The following KAZN variants were observed in gnomAD, a reference collection of about 807,000 sequenced individuals.
KAZN encodes the protein kazrin, periplakin interacting protein.
Under a neutral mutation model 87.4 loss-of-function variants are expected in KAZN, and 40 were observed. That is an observed-to-expected ratio of 0.46 (90% CI 0.36 to 0.60). The LOEUF (loss-of-function observed/expected upper bound fraction) is 0.60, where lower values mean the gene tolerates loss of function less well. KAZN is among the 20% of genes least tolerant of loss of function. KAZN has a pLI of 0.00. For missense variants in KAZN, 898 were observed against 1,073.9 expected (o/e 0.84, Z 2.29); for synonymous variants, 466 against 458.3 (o/e 1.02, Z -0.22).
intron 1 of KAZN, among the ~76,000 whole-genome samples, chr1:14,714,235 G>T (rs752799868): frequency 3.8e-4 from 58 of 152,210 alleles, no homozygotes; most frequent in Non-Finnish European, 6.6e-4. Flanking sequence ...ACTCCCCTCT[G>T]CCTGGATCCT....
At chr1:14,966,279 C>A (rs1369164745) in intron 2 of KAZN, among the ~76,000 whole-genome samples, 2 of 152,116 alleles carry the variant, frequency 1.3e-5, no homozygotes, top group African/African-American at 4.8e-5. Flanking sequence ...CTTGCCCCAC[C>A]AATATAGTTA....
At chr1:14,862,641 C>T (rs149764975) in intron 1 of KAZN, among the ~76,000 whole-genome samples, 12 of 152,268 alleles carry the variant, frequency 7.9e-5, no homozygotes, top group Non-Finnish European at 1.6e-4. Flanking sequence ...ACCTAGGATG[C>T]GAGCAGCCAT....
At chr1:14,037,936 A>G (rs1458101808) in intron 1 of KAZN, among the ~76,000 whole-genome samples, 1 of 152,168 alleles carries the variant, frequency 6.6e-6, no homozygotes, top group African/African-American at 2.4e-5. Flanking sequence ...TAGAACCCTG[A>G]AAGCTTTGGG....
chr1:14,564,365 T>C (rs1309900922), intron 2 of KAZN, among the ~76,000 whole-genome samples: 1 of 152,046 alleles, frequency 6.6e-6, no homozygotes, highest in Non-Finnish European at 1.5e-5. Context: ...ATCTTCTAGG[T>C]TTAAATCTCA....
At chr1:14,711,139 G>C (rs1330445527) in intron 1 of KAZN, among the ~76,000 whole-genome samples, 1 of 152,214 alleles carries the variant, frequency 6.6e-6, no homozygotes, top group Non-Finnish European at 1.5e-5. Flanking sequence ...GCTGCAGTGA[G>C]CCATGATGGC....
chr1:14,707,174 A>G (rs1642255159), intron 1 of KAZN, among the ~76,000 whole-genome samples: 1 of 152,210 alleles, frequency 6.6e-6, no homozygotes. Flanking sequence ...GAGGGTGCAA[A>G]CTATGACGGT....
At chr1:14,007,762 A>C (rs572898419) in intron 1 of KAZN, among the ~76,000 whole-genome samples, 21 of 152,340 alleles carry the variant, frequency 1.4e-4, no homozygotes, top group African/African-American at 4.8e-4. Context: ...GTCATGGACA[A>C]ATAAAACACG....
At chr1:14,617,699 A>G (rs1280136702) in intron 1 of KAZN, among the ~76,000 whole-genome samples, 1 of 152,224 alleles carries the variant, frequency 6.6e-6, no homozygotes, top group Non-Finnish European at 1.5e-5. Flanking sequence ...CAAGCTGTCC[A>G]GAGTGTCCCA....
intron 1 of KAZN, among the ~76,000 whole-genome samples, chr1:14,869,940 C>T (rs1345575622): frequency 6.6e-6 from 1 of 152,282 alleles, no homozygotes; most frequent in East Asian, 1.9e-4. Flanking sequence ...CACCCAACAC[C>T]CACCCCGGCA....
rs1180045793 is a variant in KAZN at position 14,134,773 on chromosome 1, C to T, written c.92-45662C>T. 3.3e-5 allele frequency among the ~76,000 whole-genome samples: 5 copies of T among 152,256 alleles called. No homozygotes were observed. The South Asian group carries it at 1.0e-3, about 32-fold the overall frequency. On this transcript the variant is annotated intron_variant, in intron 1 of 16. Coordinates refer to the KAZN transcript ENST00000636203. ...TACTCTCGGAACACACTGGCCTTCA[C>T]CTCCTCCCCATTTTTCTCTGCTTTA...
At chr1:14,355,098 C>T (rs1658900156) in intron 2 of KAZN, among the ~76,000 whole-genome samples, 1 of 152,078 alleles carries the variant, frequency 6.6e-6, no homozygotes, top group Non-Finnish European at 1.5e-5. Flanking sequence ...CACCAAAGAG[C>T]ACAAACTATA....
intron 1 of KAZN, among the ~76,000 whole-genome samples, chr1:14,799,226 C>T (rs970476300): frequency 1.3e-5 from 2 of 152,238 alleles, no homozygotes; most frequent in Non-Finnish European, 2.9e-5. Flanking sequence ...TACTTTACAT[C>T]TCATTTGTAC....
At chr1:14,440,526 C>A (rs1666639863) in intron 2 of KAZN, among the ~76,000 whole-genome samples, 1 of 152,174 alleles carries the variant, frequency 6.6e-6, no homozygotes. Flanking sequence ...GAAGCAAGAA[C>A]CTCTAATGCC....
At chr1:15,024,519 T>C (rs1349597794) in intron 2 of KAZN, among the ~76,000 whole-genome samples, 5 of 152,226 alleles carry the variant, frequency 3.3e-5, no homozygotes, top group African/African-American at 1.2e-4. Context: ...GTTCCAATGA[T>C]GCTGAGAAAA....
chr1:14,209,951 G>A (rs1646819263), intron 2 of KAZN, among the ~76,000 whole-genome samples: 1 of 152,098 alleles, frequency 6.6e-6, no homozygotes, highest in Admixed American at 6.5e-5. Context: ...TGGGTTTTAT[G>A]TCTCCCTCTG....
At chr1:14,134,374 A>G (rs1645059630) in intron 1 of KAZN, among the ~76,000 whole-genome samples, 1 of 152,216 alleles carries the variant, frequency 6.6e-6, no homozygotes, top group Non-Finnish European at 1.5e-5. Context: ...CAGAACATTT[A>G]CTGTGTGCAA....
chr1:14,690,615 G>C (rs1419948842), intron 1 of KAZN, among the ~76,000 whole-genome samples: 2 of 152,032 alleles, frequency 1.3e-5, no homozygotes, highest in Non-Finnish European at 2.9e-5. Context: ...CTTTGGGGCA[G>C]AGCCATTCAC....
At chr1:14,029,621 G>C (rs935324305) in intron 1 of KAZN, among the ~76,000 whole-genome samples, 1 of 151,522 alleles carries the variant, frequency 6.6e-6, no homozygotes, top group Admixed American at 6.6e-5. Context: ...TAACGTTTAA[G>C]TCTTTAATCC....
intron 6 of KAZN, 82 bp downstream of exon 6, chr1:15,060,384 C>T (rs1638690377): frequency 1.9e-6 from 3 of 1,561,270 alleles, no homozygotes; most frequent in South Asian, 2.2e-5. Flanking sequence ...TGAAGCCATA[C>T]TCGCTGTTTC....
Sources: allele counts gnomAD v4.1 joint callset (sites outside exome capture counted in the v4.1 genomes callset), GRCh38; gene constraint gnomAD v4.1.1; transcripts MANE v1.5; gene names NCBI Gene and HGNC (gene_info 2026-07-23, HGNC 2026-07-21).